The following CADPS variants were observed in gnomAD, a reference collection of about 807,000 sequenced individuals.
CADPS encodes the protein calcium-dependent secretion activator 1.
Under a neutral mutation model 167.3 loss-of-function variants are expected in CADPS, and 57 were observed. That is an observed-to-expected ratio of 0.34 (90% CI 0.28 to 0.42). The LOEUF (loss-of-function observed/expected upper bound fraction) is 0.42, where lower values mean the gene tolerates loss of function less well. CADPS is among the 20% of genes least tolerant of loss of function. The pLI, the probability that CADPS is intolerant of heterozygous loss-of-function variation, is 1.00. For missense variants in CADPS, 1,414 were observed against 1,738.1 expected (o/e 0.81, Z 3.32); for synonymous variants, 676 against 635.3 (o/e 1.06, Z -0.96).
chr3:62,527,070 T>A (rs1331843437), intron 13 of CADPS, among the ~76,000 whole-genome samples: 1 of 152,204 alleles, frequency 6.6e-6, no homozygotes, highest in African/African-American at 2.4e-5. Context: ...TATTTGAGGA[T>A]GCCACCTAGT....
chr3:62,525,286 A>T (rs1411399968), intron 13 of CADPS, among the ~76,000 whole-genome samples: 1 of 152,160 alleles, frequency 6.6e-6, no homozygotes, highest in Non-Finnish European at 1.5e-5. Context: ...CAAGTTCCAA[A>T]GTGAATTTCT....
intron 1 of CADPS, among the ~76,000 whole-genome samples, chr3:62,848,764 C>T (rs1415782798): frequency 9.2e-6 from 1 of 108,258 alleles, no homozygotes; most frequent in South Asian, 4.0e-4. Flanking sequence ...GCAATGCGGG[C>T]TCTTTTTTGG....
chr3:62,634,341 T>C (rs1297329371), intron 6 of CADPS, among the ~76,000 whole-genome samples: 5 of 152,252 alleles, frequency 3.3e-5, no homozygotes, highest in East Asian at 1.9e-4. Context: ...TGTTTATTCA[T>C]ATAAAATAGT....
chr3:62,732,866 G>C (rs113767348), intron 3 of CADPS, among the ~76,000 whole-genome samples: 16 of 152,288 alleles, frequency 1.1e-4, no homozygotes, highest in Admixed American at 3.3e-4. Flanking sequence ...AGGAGACTGA[G>C]GTTCAGAGAG....
At chr3:62,834,918 T>A (rs867064781) in intron 1 of CADPS, among the ~76,000 whole-genome samples, 1 of 152,160 alleles carries the variant, frequency 6.6e-6, no homozygotes, top group Non-Finnish European at 1.5e-5. Context: ...ACTGGTAACA[T>A]TGAGTAGTAT....
At chr3:62,568,460 T>G (rs1474847318) in intron 9 of CADPS, among the ~76,000 whole-genome samples, 2 of 152,230 alleles carry the variant, frequency 1.3e-5, no homozygotes, top group Non-Finnish European at 2.9e-5. Flanking sequence ...CCCTGCTACA[T>G]GGTTCCTTCT....
intron 9 of CADPS, among the ~76,000 whole-genome samples, chr3:62,565,468 G>T (rs1192136479): frequency 6.6e-6 from 1 of 152,144 alleles, no homozygotes; most frequent in East Asian, 1.9e-4. Flanking sequence ...TGGACCACCT[G>T]CATCAGTATC....
intron 24 of CADPS, chr3:62,467,185 C>T (rs2060041538): frequency 2.8e-6 from 1 of 356,644 alleles, no homozygotes; most frequent in African/African-American, 2.2e-5. Context: ...TATTATATGC[C>T]AGCTCCTTGA....
chr3:62,565,780 G>A (rs1315664654), intron 9 of CADPS, among the ~76,000 whole-genome samples: 1 of 152,170 alleles, frequency 6.6e-6, no homozygotes, highest in Non-Finnish European at 1.5e-5. Context: ...ACTCCTCTGA[G>A]TATATCCTTT....
chr3:62,801,270 T>G (rs916096977), intron 1 of CADPS, among the ~76,000 whole-genome samples: 10 of 152,132 alleles, frequency 6.6e-5, no homozygotes, highest in South Asian at 2.1e-4. Flanking sequence ...AGATTTAAAG[T>G]TGAATTAGAA....
intron 10 of CADPS, among the ~76,000 whole-genome samples, chr3:62,555,155 C>T (rs1051421400): frequency 2.0e-5 from 3 of 152,178 alleles, no homozygotes; most frequent in African/African-American, 7.2e-5. Flanking sequence ...ATAAATAGGA[C>T]TTAGCACATG....
rs565799615 is a variant in CADPS at position 62,544,078 on chromosome 3, C to T, written c.1966+5825G>A. Among the ~76,000 whole-genome samples the T allele has an allele frequency of 2.0e-5, 3 of 151,934 alleles. No homozygotes were observed. Among genetic ancestry groups the T allele is most frequent in the African/African-American group, 7.2e-5 (3 of 41,442 alleles). On this transcript the variant is annotated intron_variant, in intron 11 of 29. Transcript: ENST00000383710. This position sits in a 1 kb window ranked among gnomAD's most constrained non-coding sequence, Gnocchi z 4.4. ...GTCAACCTTGATACCAAGGTTAATA[C>T]CTTGGCATTGTAAGACTGTGAATCC...
intron 9 of CADPS, among the ~76,000 whole-genome samples, chr3:62,566,402 C>T (rs893876595): frequency 7.6e-5 from 10 of 130,768 alleles, no homozygotes; most frequent in South Asian, 2.9e-4. Flanking sequence ...CAATTGCCAC[C>T]GCTTGGATTG....
At chr3:62,481,086 T>C (rs1252828828) in intron 22 of CADPS, among the ~76,000 whole-genome samples, 15 of 152,226 alleles carry the variant, frequency 9.9e-5, no homozygotes. Flanking sequence ...TCGAGAATTA[T>C]TGAACTTCTC....
At chr3:62,585,826 G>A (rs1266377723) in intron 7 of CADPS, among the ~76,000 whole-genome samples, 2 of 152,230 alleles carry the variant, frequency 1.3e-5, no homozygotes. Context: ...GGGAAGGAAA[G>A]GGACTTGATT....
chr3:62,680,847 T>C (rs1030484789), intron 3 of CADPS, among the ~76,000 whole-genome samples: 4 of 152,078 alleles, frequency 2.6e-5, no homozygotes, highest in African/African-American at 7.2e-5. Context: ...GTGCTTGTGC[T>C]GGGAGTTTAG....
chr3:62,414,952 C>A (rs990286347), intron 28 of CADPS, among the ~76,000 whole-genome samples: 1 of 151,710 alleles, frequency 6.6e-6, no homozygotes, highest in African/African-American at 2.4e-5. Context: ...CAATAGATAT[C>A]CCAGCTCCAA....
chr3:62,422,565 T>C (rs1283591768), intron 28 of CADPS, among the ~76,000 whole-genome samples: 1 of 152,204 alleles, frequency 6.6e-6, no homozygotes, highest in African/African-American at 2.4e-5. Context: ...TCACATTGTT[T>C]AGTGTAAGCT....
chr3:62,790,669 T>C (rs756007943), intron 1 of CADPS, among the ~76,000 whole-genome samples: 1 of 152,124 alleles, frequency 6.6e-6, no homozygotes, highest in Non-Finnish European at 1.5e-5. Flanking sequence ...ATCTATAAAA[T>C]GAAAGGATTG....
Sources: allele counts gnomAD v4.1 joint callset (sites outside exome capture counted in the v4.1 genomes callset), GRCh38; gene constraint gnomAD v4.1.1; non-coding constraint Gnocchi (gnomAD v3.1); transcripts MANE v1.5; gene names NCBI Gene and HGNC (gene_info 2026-07-23, HGNC 2026-07-21).